RIPOR3: variants seen among roughly 807,000 people sequenced by gnomAD.
RIPOR3 encodes the protein family with sequence similarity 65 member C.
Under a neutral mutation model 114.3 loss-of-function variants are expected in RIPOR3, and 95 were observed. The observed-to-expected ratio is 0.83, with a 90% CI of 0.70 to 0.99. The LOEUF is 0.99. RIPOR3 is among the 50% of genes least tolerant of loss of function. The pLI is 0.00. For synonymous variants in RIPOR3, 575 were observed against 543.8 expected (o/e 1.06, Z -0.80); for missense variants, 1,252 against 1,266.9 (o/e 0.99, Z 0.18).
chr20:50,634,556 A>G (rs75169387), intron 1 of RIPOR3, among the ~76,000 whole-genome samples: 3,825 of 152,276 alleles, frequency 0.025, 166 homozygotes, highest in African/African-American at 0.088. Context: ...GGTGCATGGA[A>G]GATTCATAAC....
chr20:50,639,293 T>C (rs377185841), intron 1 of RIPOR3, among the ~76,000 whole-genome samples: 129 of 151,666 alleles, frequency 8.5e-4, no homozygotes, highest in African/African-American at 2.4e-3. Flanking sequence ...CCAACACGGC[T>C]ACAGGACTTG....
Position 50,624,334 on chromosome 20 carries a change from G to A in RIPOR3, c.123-4202C>T, listed in dbSNP as rs142164035. On this transcript the variant is annotated intron_variant, in intron 2 of 21. Coordinates refer to ENST00000327979, the MANE Select transcript of RIPOR3 (RefSeq NM_001290268.2). ...AGGTTTCTGAGAGGTTAGGGACCCC[G>A]GCAGGTGGGCAGCAGGCAGTGGGGC... Among the ~76,000 whole-genome samples, 186 of 152,248 alleles carry A rather than the reference G, an allele frequency of 1.2e-3. 1 individual carries two copies. The highest frequency in any genetic ancestry group is 0.012 in the East Asian group (60 of 5,172).
chr20:50,620,253 C>A (rs892955344), intron 2 of RIPOR3, 121 bp from the exon 3 acceptor site: 9 of 1,191,950 alleles, frequency 7.6e-6, no homozygotes, highest in Non-Finnish European at 1.1e-5. Flanking sequence ...CCGGCTCAGT[C>A]CCACCCCCAT....
intron 2 of RIPOR3, among the ~76,000 whole-genome samples, chr20:50,625,231 C>G (rs546694147): frequency 4.6e-5 from 7 of 152,180 alleles, no homozygotes; most frequent in African/African-American, 1.4e-4. Context: ...CAATTACACT[C>G]GGCTAATTTT....
In RIPOR3 at chr20:50,596,252, G is replaced by A; in HGVS notation, c.1802C>T (p.Pro601Leu). The A allele has an allele frequency of 6.2e-7, 1 of 1,614,120 alleles. No individual in the cohort carries two copies. The highest frequency in any genetic ancestry group is 8.5e-7 in the Non-Finnish European group (1 of 1,180,014). ...GGSQGLRKDR[P>L]LPPPSSLKAS... ...TTTCAGTGATGACGGTGGGGGCAGG[G>A]GCCGGTCCTTTCTGAGTTGAATTGA... The change falls in exon 15 of 22, where the codon CCC becomes CTC. Residue 601 changes from proline to leucine, a missense_variant. Transcript: ENST00000327979.
chr20:50,650,504 G>A (rs368622364), intron 1 of RIPOR3, among the ~76,000 whole-genome samples: 54 of 152,054 alleles, frequency 3.6e-4, no homozygotes, highest in African/African-American at 1.0e-3. Context: ...AGATTTCACC[G>A]TGTTGCTCAG....
At chr20:50,669,513 T>C (rs1208618061) in intron 1 of RIPOR3, among the ~76,000 whole-genome samples, 1 of 152,208 alleles carries the variant, frequency 6.6e-6, no homozygotes, top group Non-Finnish European at 1.5e-5. Context: ...AAGAGGACCA[T>C]GGCAGATCTA....
chr20:50,647,684 G>A (rs923334037), intron 1 of RIPOR3, among the ~76,000 whole-genome samples: 7 of 151,218 alleles, frequency 4.6e-5, no homozygotes, highest in South Asian at 2.1e-4. Context: ...GGGTTTCACC[G>A]TGTTAGCCAG....
chr20:50,636,179 T>G (rs4811087), intron 1 of RIPOR3, among the ~76,000 whole-genome samples: 5,906 of 152,206 alleles, frequency 0.039, 180 homozygotes, highest in East Asian at 0.075. Context: ...CCTGGATGAT[T>G]GGGGATGGGA....
At chr20:50,599,459 A>G (rs2083421819) in intron 13 of RIPOR3, among the ~76,000 whole-genome samples, 1 of 152,216 alleles carries the variant, frequency 6.6e-6, no homozygotes, top group Non-Finnish European at 1.5e-5. Flanking sequence ...CAGCATCGCT[A>G]CAACTCATGC....
chr20:50,604,883 C>A (rs2083648701), intron 11 of RIPOR3, 109 bp from the exon 12 acceptor site: 1 of 1,327,832 alleles, frequency 7.5e-7, no homozygotes, highest in South Asian at 1.3e-5. Context: ...CTTCATCTTA[C>A]AATACAATAG....
chr20:50,617,034 C>T lies in RIPOR3; in HGVS notation c.270-954G>A, dbSNP rs13038422. Among the ~76,000 whole-genome samples, 9 of 152,222 alleles carry T rather than the reference C, an allele frequency of 5.9e-5. No homozygotes were observed. The South Asian group carries it at 8.3e-4, about 14-fold the overall frequency. On this transcript the variant is annotated intron_variant, in intron 3 of 21. Transcript: ENST00000327979. The stretch of plus-strand genomic sequence containing the variant: ...GCACACACCTGTAGTCCCAGCTACT[C>T]GGGAGGCTGAAGCAGGAGAATTGCT...
At chr20:50,609,959 A>ACCACCCCTGCCTCACCTGCCACCC (rs1568854323) in intron 6 of RIPOR3, among the ~76,000 whole-genome samples, 1 of 114,232 alleles carries the variant, frequency 8.8e-6, no homozygotes, top group Non-Finnish European at 1.8e-5. Context: ...ACCTGCCACC[A>ACCACCCCTGCCTCACCTGCCACCC]CTGCCTCACC....
chr20:50,636,755 G>A, intron 1 of RIPOR3: 1 of 985,530 alleles, frequency 1.0e-6, no homozygotes, highest in Non-Finnish European at 1.2e-6. Flanking sequence ...TGTGGCTGGA[G>A]GAAGCAGAGT....
At chr20:50,592,743 A>G (rs983009867) in intron 18 of RIPOR3, among the ~76,000 whole-genome samples, 197 bp from the exon 19 acceptor site, 3 of 152,192 alleles carry the variant, frequency 2.0e-5, no homozygotes, top group African/African-American at 7.2e-5. Flanking sequence ...CAAGGGGTCA[A>G]ATATGCTCCA....
chr20:50,655,318 G>A (rs1163892807), intron 1 of RIPOR3, among the ~76,000 whole-genome samples: 1 of 152,216 alleles, frequency 6.6e-6, no homozygotes, highest in Non-Finnish European at 1.5e-5. Context: ...GGGGAGCTGA[G>A]ACGGGGTGGG....
intron 1 of RIPOR3, chr20:50,653,171 C>A (rs1271247473): frequency 6.6e-6 from 1 of 152,180 alleles, no homozygotes; most frequent in Non-Finnish European, 1.5e-5. Flanking sequence ...ACAGATGAAC[C>A]TTGAAAACGG....
intron 1 of RIPOR3, among the ~76,000 whole-genome samples, chr20:50,642,199 TC>T (rs2085222999): frequency 6.6e-6 from 1 of 152,140 alleles, no homozygotes; most frequent in Admixed American, 6.5e-5. Context: ...AATCTCCTCT[TC>T]TGGGAATTTT....
intron 9 of RIPOR3, 73 bp downstream of exon 9, chr20:50,608,839 G>C (rs953873560): frequency 6.2e-6 from 10 of 1,610,824 alleles, no homozygotes; most frequent in Non-Finnish European, 8.5e-6. Flanking sequence ...CTGCAACCCT[G>C]GTTCCCAGCA....
Sources: allele counts gnomAD v4.1 joint callset (sites outside exome capture counted in the v4.1 genomes callset), GRCh38; gene constraint gnomAD v4.1.1; transcripts MANE v1.5; gene names NCBI Gene and HGNC (gene_info 2026-07-23, HGNC 2026-07-21).